DGCR8: variants seen among roughly 807,000 people sequenced by gnomAD.
DGCR8 encodes microprocessor complex subunit DGCR8.
Under a neutral mutation model 78.5 loss-of-function variants are expected in DGCR8, and 14 were observed. That is an observed-to-expected ratio of 0.18 (90% CI 0.12 to 0.28). The LOEUF is 0.28. DGCR8 is among the 10% of genes least tolerant of loss of function. The pLI is 1.00. For missense variants in DGCR8, 702 were observed against 1,022.5 expected, an observed-to-expected ratio of 0.69 and a Z score of 4.28; for synonymous variants, 399 against 402.4, an observed-to-expected ratio of 0.99 and a Z score of 0.10.
rs1268452734 is a variant in DGCR8, at chr22:20,089,746, C to T, written c.958C>T (p.Leu320=). The change falls in exon 4 of 14, where the codon CTA becomes TTA. Residue 320 remains leucine (L), a synonymous_variant. Transcript: ENST00000351989. This position sits in a 1 kb window ranked among gnomAD's most constrained non-coding sequence, Gnocchi z 4.9. ...TFHNSGVPVY[L]HRESRVVTWS... ...CCATAACTCTGGAGTCCCGGTGTAC[C>T]TACACAGAGAGTCTCGGGTGGTCAC... 6.2e-7 allele frequency: 1 copy of T among 1,613,838 alleles called. No individual in the cohort carries two copies. Among genetic ancestry groups the T allele is most frequent in the East Asian group, 2.2e-5 (1 of 44,880 alleles).
intron 10 of DGCR8, 23 bp from the exon 11 acceptor site, chr22:20,106,569 C>A: frequency 1.3e-6 from 2 of 1,565,614 alleles, no homozygotes; most frequent in Non-Finnish European, 1.8e-6. Flanking sequence ...GGGACGCCAT[C>A]TGTTGTCTGT....
At position 20,111,568 on chromosome 22, in the gene DGCR8, C is replaced by T. The variant is rs766558597; in HGVS notation, c.*1460C>T. Reference sequence around the variant, plus strand: ...AATAGTCATTTGACTGTGACTGTTGCCCTTAGCCAGCCAGATGCGCCTGTG... The same window carrying T: ...AATAGTCATTTGACTGTGACTGTTGTCCTTAGCCAGCCAGATGCGCCTGTG... On this transcript the variant is annotated 3_prime_UTR_variant, in exon 14 of 14. Coordinates refer to ENST00000351989, the MANE Select transcript of DGCR8 (RefSeq NM_022720.7). 2.1e-4 allele frequency: 82 copies of T among 397,392 alleles called. No individual in the cohort carries two copies. Among genetic ancestry groups the T allele is most frequent in the Non-Finnish European group, 3.5e-4 (78 of 225,896 alleles). 24.6% of individuals were successfully genotyped at this position (397,392 alleles called of 1,614,324 possible).
intron 9 of DGCR8, chr22:20,102,058 G>C: frequency 1.0e-6 from 1 of 984,930 alleles, no homozygotes; most frequent in Non-Finnish European, 1.2e-6. Context: ...ATTAAATTTA[G>C]GTATTAGTGA....
At chr22:20,093,056 TA>T (rs1680270452) in intron 8 of DGCR8, 149 bp downstream of exon 8, 1 of 599,020 alleles carries the variant, frequency 1.7e-6, no homozygotes, top group Non-Finnish European at 2.8e-6. Context: ...CTTTGATTTT[TA>T]AAATTACATG....
intron 9 of DGCR8, among the ~76,000 whole-genome samples, chr22:20,103,000 C>A (rs907358618): frequency 6.6e-6 from 1 of 151,994 alleles, no homozygotes; most frequent in African/African-American, 2.4e-5. Flanking sequence ...GGCGTGGTGG[C>A]GGGCACATGT....
chr22:20,083,297 T>C (rs1476942285), intron 1 of DGCR8, among the ~76,000 whole-genome samples: 2 of 151,576 alleles, frequency 1.3e-5, no homozygotes, highest in Non-Finnish European at 2.9e-5. Context: ...TAGCGGTCCA[T>C]CTCCCCCACT....
At chr22:20,092,735 G>A (rs1364378392) in intron 7 of DGCR8, 74 bp from the exon 8 acceptor site, 3 of 1,310,158 alleles carry the variant, frequency 2.3e-6, no homozygotes, top group Admixed American at 1.8e-5. Context: ...CTTGTCTGTC[G>A]GTGTGGGCAG....
chr22:20,109,632 G>T (rs2049811525), intron 13 of DGCR8, among the ~76,000 whole-genome samples: 1 of 152,208 alleles, frequency 6.6e-6, no homozygotes, highest in Non-Finnish European at 1.5e-5. Context: ...TCGGAAGAGG[G>T]GCTGTGGGGC....
Position 20,086,036 on chromosome 22 carries a change from C to G in DGCR8, c.73C>G (p.Arg25Gly), listed in dbSNP as rs547922397. 2 of 1,613,740 alleles carry G rather than the reference C, an allele frequency of 1.2e-6. No individual in the cohort carries two copies. The highest frequency in any genetic ancestry group is 1.7e-5 in the Admixed American group (1 of 60,008). The change falls in exon 2 of 14, where the codon CGC (arginine) becomes GGC (glycine). Residue 25 changes from arginine (R) to glycine (G), a missense_variant. Coordinates refer to ENST00000351989, the MANE Select transcript of DGCR8 (RefSeq NM_022720.7). This position sits in a 1 kb window ranked among gnomAD's most constrained non-coding sequence, Gnocchi z 6.4. Reference protein sequence around the residue: ...AGEAVMESRARPFQALPREQS... With the variant: ...AGEAVMESRAGPFQALPREQS... Reference sequence around the variant, plus strand: ...AGAAGCGGTGATGGAGAGCCGAGCTCGCCCCTTCCAAGCGCTGCCCCGTGA... The same window carrying G: ...AGAAGCGGTGATGGAGAGCCGAGCTGGCCCCTTCCAAGCGCTGCCCCGTGA...
intron 9 of DGCR8, among the ~76,000 whole-genome samples, chr22:20,097,273 G>A (rs920809499): frequency 1.3e-5 from 2 of 152,146 alleles, no homozygotes; most frequent in African/African-American, 4.8e-5. Flanking sequence ...TAAATGTTTT[G>A]TAGACTGCGT....
intron 8 of DGCR8, 108 bp from the exon 9 acceptor site, chr22:20,094,605 C>A (rs1322815282): frequency 9.9e-7 from 1 of 1,006,196 alleles, no homozygotes; most frequent in South Asian, 1.4e-5. Context: ...GGCCCTCGCT[C>A]AGCCTCTGAG....
Position 20,088,845 on chromosome 22 carries a change from T to C in DGCR8, c.881-824T>C, listed in dbSNP as rs2049520000. 2.0e-5 allele frequency among the ~76,000 whole-genome samples: 3 copies of C among 152,188 alleles called. No individual in the cohort carries two copies. The South Asian group carries it at 6.2e-4, about 32-fold the overall frequency. On this transcript the variant is annotated intron_variant, in intron 3 of 13. Transcript: ENST00000351989. ...AGGCGGGGTCTTGCTGTTACCCAGG[T>C]TGGAGTAGCTCACTACAGCCTCAGC...
At chr22:20,084,786 G>A (rs993401711) in intron 1 of DGCR8, among the ~76,000 whole-genome samples, 2 of 152,244 alleles carry the variant, frequency 1.3e-5, no homozygotes, top group Non-Finnish European at 2.9e-5. Context: ...TTGGCCCATT[G>A]CCAGGGCCTC....
intron 9 of DGCR8, chr22:20,101,590 A>G: frequency 1.0e-6 from 1 of 984,506 alleles, no homozygotes; most frequent in Non-Finnish European, 1.2e-6. Flanking sequence ...AAAAAAAAAA[A>G]TGTATATATG....
chr22:20,107,020 A>G, intron 11 of DGCR8: 1 of 576,746 alleles, frequency 1.7e-6, no homozygotes, highest in Non-Finnish European at 3.1e-6. Context: ...GGCGGGAGGG[A>G]GGCTCTCGGC....
rs757458039 is a variant in DGCR8 at position 20,085,207 on chromosome 22, C to T, written c.-277-480C>T. Among the ~76,000 whole-genome samples the T allele has an allele frequency of 1.3e-5, 2 of 152,176 alleles. No individual in the cohort carries two copies. Among genetic ancestry groups the T allele is most frequent in the Middle Eastern group, 3.2e-3 (1 of 316 alleles). ...AGAGCGCCTGGCCATGCCTCTGAGG[C>T]CCCTAGTGCCGCAGAGTTGAGCTGA... On this transcript the variant is annotated intron_variant, in intron 1 of 13. Coordinates refer to ENST00000351989, the MANE Select transcript of DGCR8 (RefSeq NM_022720.7). This position sits in a 1 kb window ranked among gnomAD's most constrained non-coding sequence, Gnocchi z 6.2.
rs2049498208 is a variant in DGCR8, at chr22:20,087,326, G to A, written c.880+5G>A. 4 of 1,599,178 alleles carry A rather than the reference G, an allele frequency of 2.5e-6. No individual in the cohort carries two copies. The highest frequency in any genetic ancestry group is 2.3e-5 in the East Asian group (1 of 44,342). Reference sequence around the variant, plus strand: ...AGATTAAAACAGTGCTCAAAAGTACGTGTGTGGGTCAGAAGCAGTGGGTGT... The same window carrying A: ...AGATTAAAACAGTGCTCAAAAGTACATGTGTGGGTCAGAAGCAGTGGGTGT... On this transcript the variant is annotated splice_donor_5th_base_variant and intron_variant, in intron 3 of 13. Coordinates refer to ENST00000351989, the MANE Select transcript of DGCR8 (RefSeq NM_022720.7). The surrounding 1 kb of genome is among the most constrained non-coding windows in gnomAD (Gnocchi z 4.1).
At chr22:20,094,274 T>C (rs967654154) in intron 8 of DGCR8, among the ~76,000 whole-genome samples, 1 of 152,144 alleles carries the variant, frequency 6.6e-6, no homozygotes, top group Non-Finnish European at 1.5e-5. Flanking sequence ...CTCTAGCAGC[T>C]CCCTCTAGCG....
chr22:20,085,069 C>T lies in DGCR8; in HGVS notation c.-277-618C>T, dbSNP rs890251864. On this transcript the variant is annotated intron_variant, in intron 1 of 13. Coordinates refer to ENST00000351989, the MANE Select transcript of DGCR8 (RefSeq NM_022720.7). This position sits in a 1 kb window ranked among gnomAD's most constrained non-coding sequence, Gnocchi z 6.2. The stretch of plus-strand genomic sequence containing the variant: ...CCCCACAGCCACCCACCCCTCTCCT[C>T]CATCGGGAACAGAACTATGCTGCCA... 1.0e-6 allele frequency: 1 copy of T among 979,960 alleles called. No homozygotes were observed. The highest frequency in any genetic ancestry group is 1.2e-6 in the Non-Finnish European group (1 of 825,128). 60.7% of individuals were successfully genotyped at this position (979,960 alleles called of 1,614,324 possible). A position where few individuals can be genotyped will look rare whatever the true frequency, so the allele number is the denominator to read the frequency against.
Sources: allele counts gnomAD v4.1 joint callset (sites outside exome capture counted in the v4.1 genomes callset), GRCh38; gene constraint gnomAD v4.1.1; non-coding constraint Gnocchi (gnomAD v3.1); transcripts MANE v1.5; gene names NCBI Gene and HGNC (gene_info 2026-07-23, HGNC 2026-07-21).